TCF7L2: variants seen among roughly 807,000 people sequenced by gnomAD.
TCF7L2 encodes the protein transcription factor 7-like 2.
A neutral mutation model predicts 77.9 loss-of-function variants in TCF7L2; 23 were observed. The observed-to-expected ratio is 0.30, with a 90% CI of 0.21 to 0.42. The LOEUF (loss-of-function observed/expected upper bound fraction) is 0.42, where lower values mean the gene tolerates loss of function less well. Among genes scored for constraint, TCF7L2 ranks in the 10% least tolerant of loss-of-function variants. TCF7L2 has a pLI of 1.00. For synonymous variants in TCF7L2, 413 were observed against 340.2 expected (o/e 1.21, Z -2.36); for missense variants, 654 against 793.1 (o/e 0.82, Z 2.11).
chr10:113,056,394 G>C (rs1211372723), intron 5 of TCF7L2, among the ~76,000 whole-genome samples: 1 of 152,182 alleles, frequency 6.6e-6, no homozygotes, highest in Non-Finnish European at 1.5e-5. Context: ...GGGGCAGTGA[G>C]GGTAGAGGAC....
At chr10:113,133,843 C>G (rs1269956523) in intron 5 of TCF7L2, among the ~76,000 whole-genome samples, 1 of 152,078 alleles carries the variant, frequency 6.6e-6, no homozygotes, top group South Asian at 2.1e-4. Flanking sequence ...TACAAATAAG[C>G]AGCACCCTTC....
At chr10:112,969,992 GGT>G (rs1348050247) in intron 4 of TCF7L2, among the ~76,000 whole-genome samples, 1 of 152,128 alleles carries the variant, frequency 6.6e-6, no homozygotes, top group East Asian at 1.9e-4. Context: ...TGTTTCCCTT[GGT>G]TTTTGGAAGG....
chr10:113,130,120 A>C, intron 5 of TCF7L2: 2 of 741,234 alleles, frequency 2.7e-6, no homozygotes, highest in Non-Finnish European at 3.5e-6. Context: ...AAAACAAAAC[A>C]AGAATAAATG....
intron 4 of TCF7L2, among the ~76,000 whole-genome samples, chr10:112,973,262 C>G (rs1044817105): frequency 6.6e-6 from 1 of 152,182 alleles, no homozygotes; most frequent in African/African-American, 2.4e-5. Context: ...TGCTGTGTTC[C>G]TTCTCTGGGG....
intron 4 of TCF7L2, among the ~76,000 whole-genome samples, chr10:113,025,725 G>A (rs988756181): frequency 6.6e-6 from 1 of 152,022 alleles, no homozygotes; most frequent in African/African-American, 2.4e-5. Context: ...AGCCTTTACT[G>A]TTATTATCCT....
chr10:113,068,842 A>T (rs1187753682), intron 5 of TCF7L2, among the ~76,000 whole-genome samples: 1 of 151,550 alleles, frequency 6.6e-6, no homozygotes, highest in Non-Finnish European at 1.5e-5. Flanking sequence ...GCATGCTGCC[A>T]GACCCCTTCC....
intron 4 of TCF7L2, among the ~76,000 whole-genome samples, chr10:113,037,635 T>C (rs566445633): frequency 6.6e-6 from 1 of 152,190 alleles, no homozygotes; most frequent in Admixed American, 6.5e-5. Flanking sequence ...AATATTGTAT[T>C]ATGAGTATGA....
intron 4 of TCF7L2, among the ~76,000 whole-genome samples, chr10:112,999,286 C>T (rs561517301): frequency 3.7e-4 from 56 of 152,372 alleles, no homozygotes; most frequent in Middle Eastern, 6.8e-3. Context: ...GGCTAAGTTT[C>T]CATGACCTGG....
intron 5 of TCF7L2, among the ~76,000 whole-genome samples, chr10:113,117,365 T>TTCTC (rs1247649039): frequency 1.6e-5 from 2 of 122,096 alleles, no homozygotes; most frequent in Admixed American, 9.2e-5. Context: ...TGAAGGGATT[T>TTCTC]TCTCTCTCTC....
intron 5 of TCF7L2, among the ~76,000 whole-genome samples, chr10:113,119,221 G>T (rs2064369818): frequency 6.6e-6 from 1 of 152,174 alleles, no homozygotes; most frequent in African/African-American, 2.4e-5. Flanking sequence ...CGATAGGAGA[G>T]ATGGAACATT....
At chr10:113,080,627 A>G (rs541869558) in intron 5 of TCF7L2, among the ~76,000 whole-genome samples, 1 of 152,290 alleles carries the variant, frequency 6.6e-6, no homozygotes, top group African/African-American at 2.4e-5. Flanking sequence ...TCCTTTCATA[A>G]TATCTGAAAA....
chr10:113,094,077 G>A (rs1316543073), intron 5 of TCF7L2, among the ~76,000 whole-genome samples: 3 of 152,176 alleles, frequency 2.0e-5, no homozygotes, highest in Non-Finnish European at 4.4e-5. Context: ...ATTTTTTGGG[G>A]TGTGTGTGCG....
At chr10:113,034,034 G>A (rs117140565) in intron 4 of TCF7L2, among the ~76,000 whole-genome samples, 2,117 of 152,252 alleles carry the variant, frequency 0.014, 27 homozygotes, top group Non-Finnish European at 0.021. Context: ...ATTCCGTGAC[G>A]CCCAGGCAAA....
chr10:113,134,792 G>A (rs549929888), intron 5 of TCF7L2, among the ~76,000 whole-genome samples: 1 of 152,324 alleles, frequency 6.6e-6, no homozygotes, highest in South Asian at 2.1e-4. Flanking sequence ...GCCCCTGGGA[G>A]GGCTGGTAAG....
In TCF7L2 at chr10:113,109,580, A is replaced by G. The variant is rs1194743947; in HGVS notation, c.553-31604A>G. 2.6e-5 allele frequency among the ~76,000 whole-genome samples: 4 copies of G among 152,244 alleles called. No homozygotes were observed. The East Asian group carries it at 5.8e-4, about 22-fold the overall frequency. On this transcript the variant is annotated intron_variant, in intron 5 of 13. Transcript: ENST00000627217. The stretch of plus-strand genomic sequence containing the variant: ...TAATTTTTGTGTTTTTAGTAGAAGC[A>G]GGGTTTCTCCACGTTGGCTAGGCTG...
intron 4 of TCF7L2, among the ~76,000 whole-genome samples, chr10:112,968,702 G>A (rs1484371173): frequency 7.9e-5 from 12 of 151,882 alleles, no homozygotes; most frequent in Admixed American, 3.3e-4. Flanking sequence ...CCTCAGCCTC[G>A]CTAGTAGCTG....
At chr10:113,081,284 T>C (rs1469645635) in intron 5 of TCF7L2, among the ~76,000 whole-genome samples, 2 of 152,256 alleles carry the variant, frequency 1.3e-5, no homozygotes, top group Admixed American at 6.5e-5. Flanking sequence ...TGCCCAGTAA[T>C]GTTTACAGCA....
chr10:112,992,202 G>A (rs1400061904), intron 4 of TCF7L2, among the ~76,000 whole-genome samples: 2 of 152,166 alleles, frequency 1.3e-5, no homozygotes, highest in Admixed American at 6.5e-5. Flanking sequence ...TAGGGCCTCA[G>A]TCCCTCCAGG....
intron 5 of TCF7L2, among the ~76,000 whole-genome samples, chr10:113,050,446 C>A (rs549313249): frequency 6.6e-6 from 1 of 152,226 alleles, no homozygotes; most frequent in East Asian, 1.9e-4. Context: ...AAGTTAGACC[C>A]AACTCAAGAA....
Sources: allele counts gnomAD v4.1 joint callset (sites outside exome capture counted in the v4.1 genomes callset), GRCh38; gene constraint gnomAD v4.1.1; transcripts MANE v1.5; gene names NCBI Gene and HGNC (gene_info 2026-07-23, HGNC 2026-07-21).